Variants in GALNT7 observed in about 807,000 individuals in gnomAD.
GALNT7 encodes the protein polypeptide N-acetylgalactosaminyltransferase 7.
Under a neutral mutation model 82.1 loss-of-function variants are expected in GALNT7, and 60 were observed. That is an observed-to-expected ratio of 0.73 (90% CI 0.59 to 0.91). GALNT7 has a LOEUF of 0.91. Among genes scored for constraint, GALNT7 ranks in the 40% least tolerant of loss-of-function variants. The probability of loss-of-function intolerance (pLI) is 0.00; values close to 1 mark genes in which losing one functional copy is unlikely to be tolerated. For synonymous variants in GALNT7, 243 were observed against 275.1 expected, an observed-to-expected ratio of 0.88 and a Z score of 1.15; for missense variants, 660 against 804.2, an observed-to-expected ratio of 0.82 and a Z score of 2.17.
At chr4:173,306,737 C>A (rs1737167888) in intron 8 of GALNT7, among the ~76,000 whole-genome samples, 1 of 152,122 alleles carries the variant, frequency 6.6e-6, no homozygotes, top group South Asian at 2.1e-4. Flanking sequence ...TCAATTATTT[C>A]TCTGTGTTTG....
At chr4:173,232,190 G>A (rs894512119) in intron 1 of GALNT7, among the ~76,000 whole-genome samples, 1 of 151,948 alleles carries the variant, frequency 6.6e-6, no homozygotes, top group Non-Finnish European at 1.5e-5. Flanking sequence ...TGAGTACAGG[G>A]ACACCTTGAG....
intron 5 of GALNT7, among the ~76,000 whole-genome samples, chr4:173,296,929 T>G (rs975168501): frequency 1.3e-5 from 2 of 152,226 alleles, no homozygotes; most frequent in Non-Finnish European, 2.9e-5. Flanking sequence ...TTCTAAGCAC[T>G]GTAGGTTTTC....
chr4:173,315,415 T>C (rs1220854865), intron 9 of GALNT7, among the ~76,000 whole-genome samples: 1 of 152,112 alleles, frequency 6.6e-6, no homozygotes, highest in Non-Finnish European at 1.5e-5. Flanking sequence ...TCATAGATTG[T>C]AGGTTGTATG....
At chr4:173,305,226 T>C (rs1237910197) in intron 8 of GALNT7, among the ~76,000 whole-genome samples, 1 of 152,166 alleles carries the variant, frequency 6.6e-6, no homozygotes, top group African/African-American at 2.4e-5. Context: ...TGTTGGCTAG[T>C]TGTATGTCTT....
At chr4:173,224,333 C>T (rs1312101862) in intron 1 of GALNT7, among the ~76,000 whole-genome samples, 2 of 152,172 alleles carry the variant, frequency 1.3e-5, no homozygotes, top group African/African-American at 4.8e-5. Flanking sequence ...TCTGACACAA[C>T]TAAATTTGCT....
intron 2 of GALNT7, among the ~76,000 whole-genome samples, chr4:173,275,062 C>T (rs1312610119): frequency 1.3e-5 from 2 of 152,202 alleles, no homozygotes; most frequent in Non-Finnish European, 2.9e-5. Flanking sequence ...GTGAAGTTCT[C>T]ACCTACATCT....
At chr4:173,220,465 G>T (rs1733607598) in intron 1 of GALNT7, among the ~76,000 whole-genome samples, 1 of 151,968 alleles carries the variant, frequency 6.6e-6, no homozygotes, top group Admixed American at 6.6e-5. Context: ...TCTTGCATTG[G>T]CTATGCGAGC....
chr4:173,184,690 G>C (rs72994587), intron 1 of GALNT7, among the ~76,000 whole-genome samples: 8,935 of 151,454 alleles, frequency 0.059, 759 homozygotes, highest in African/African-American at 0.18. Flanking sequence ...TATATGCAGT[G>C]ATGAAAATCA....
intron 2 of GALNT7, among the ~76,000 whole-genome samples, chr4:173,269,034 C>T (rs1452022421): frequency 6.6e-6 from 1 of 152,072 alleles, no homozygotes; most frequent in Non-Finnish European, 1.5e-5. Flanking sequence ...GCAAAATGCC[C>T]AGTACCCCAT....
chr4:173,190,842 A>G (rs920486828), intron 1 of GALNT7, among the ~76,000 whole-genome samples: 1 of 151,722 alleles, frequency 6.6e-6, no homozygotes, highest in Non-Finnish European at 1.5e-5. Flanking sequence ...AATAATCCCT[A>G]CTCCACGTAT....
chr4:173,300,542 C>T (rs1736883797), intron 6 of GALNT7, among the ~76,000 whole-genome samples: 1 of 150,650 alleles, frequency 6.6e-6, no homozygotes, highest in Non-Finnish European at 1.5e-5. Flanking sequence ...ATTTCAGGAT[C>T]GTGAATAACA....
chr4:173,168,867 G>C lies in GALNT7; in HGVS notation c.32G>C (p.Ser11Thr). 6.2e-7 allele frequency: 1 copy of C among 1,613,680 alleles called. No homozygotes were observed. Among genetic ancestry groups the C allele is most frequent in the Non-Finnish European group, 8.5e-7 (1 of 1,179,738 alleles). The change falls in exon 1 of 12, where the codon AGT (serine) becomes ACT (threonine). Residue 11 changes from serine to threonine, a missense_variant. This residue lies in a region of GALNT7 where 133 missense variants were observed against 120.7 expected (regional missense o/e 1.10). Coordinates refer to ENST00000265000, the MANE Select transcript of GALNT7 (RefSeq NM_017423.3). ...CTGAAGATTGGGTTCATCTTACGCA[G>C]TTTGCTGGTGGTGGGAAGCTTCCTG... MRLKIGFILR[S>T]LLVVGSFLGL...
At chr4:173,246,095 A>C (rs915800433) in intron 1 of GALNT7, among the ~76,000 whole-genome samples, 4 of 152,226 alleles carry the variant, frequency 2.6e-5, no homozygotes, top group Admixed American at 2.6e-4. Context: ...GTCTAACTCA[A>C]CTTTCCAGCT....
rs1425017520 is a variant in GALNT7, at chr4:173,263,698, A to ACCTTG, written c.587+15258_587+15259insCCTTG. Among the ~76,000 whole-genome samples the ACCTTG allele has an allele frequency of 5.3e-3, 806 of 152,328 alleles. 10 individuals carry two copies. Among genetic ancestry groups the ACCTTG allele is most frequent in the African/African-American group, 0.019 (779 of 41,572 alleles). Reference sequence around the variant, plus strand: ...AAAATTAAAGGAACTCATGGGAACAAAACCCAAGGGTTCAAGGTTCATCAA... The same window carrying ACCTTG: ...AAAATTAAAGGAACTCATGGGAACAACCTTGAACCCAAGGGTTCAAGGTTCATCAA... On this transcript the variant is annotated intron_variant, in intron 2 of 11. Coordinates refer to ENST00000265000, the MANE Select transcript of GALNT7 (RefSeq NM_017423.3).
intron 3 of GALNT7, among the ~76,000 whole-genome samples, chr4:173,294,274 CT>C (rs368722746): frequency 4.0e-3 from 557 of 138,652 alleles, no homozygotes; most frequent in East Asian, 5.2e-3. Flanking sequence ...AGGATAAAGG[CT>C]TTTTTTTTTT....
chr4:173,315,546 A>G (rs1737567023), intron 9 of GALNT7, among the ~76,000 whole-genome samples: 1 of 152,132 alleles, frequency 6.6e-6, no homozygotes, highest in Non-Finnish European at 1.5e-5. Context: ...AGAAGAGAAG[A>G]CTAGACCCAT....
At position 173,169,093 on chromosome 4, in the gene GALNT7, G is replaced by A. The variant is rs1372363345; in HGVS notation, c.126+132G>A. On this transcript the variant is annotated intron_variant, in intron 1 of 11. Transcript: ENST00000265000. ...CCGCAGCTCCGCAGGTGGTGCTGGCGCAGCGCGGGCCGAGGGGGTGCCGAG... is the reference window on the plus strand; with the variant it reads ...CCGCAGCTCCGCAGGTGGTGCTGGCACAGCGCGGGCCGAGGGGGTGCCGAG... The A allele has an allele frequency of 7.8e-6, 6 of 771,514 alleles. No homozygotes were observed. In the South Asian group the frequency reaches 8.5e-5, roughly 11 times the overall value. 47.8% of individuals were successfully genotyped at this position (771,514 alleles called of 1,614,324 possible).
intron 1 of GALNT7, among the ~76,000 whole-genome samples, chr4:173,191,087 A>G (rs1732613537): frequency 6.6e-6 from 1 of 152,166 alleles, no homozygotes. Context: ...GGAAATATTA[A>G]GGAAACACAC....
At chr4:173,264,632 A>C (rs1735412491) in intron 2 of GALNT7, among the ~76,000 whole-genome samples, 1 of 152,134 alleles carries the variant, frequency 6.6e-6, no homozygotes, top group Non-Finnish European at 1.5e-5. Context: ...ACCTTCTTTA[A>C]ATCCGTGGGC....
Sources: allele counts gnomAD v4.1 joint callset (sites outside exome capture counted in the v4.1 genomes callset), GRCh38; gene constraint gnomAD v4.1.1; regional missense constraint gnomAD v4.1.1; transcripts MANE v1.5; gene names NCBI Gene and HGNC (gene_info 2026-07-23, HGNC 2026-07-21).